Variants in TMEM245 observed in about 807,000 individuals in gnomAD.
The protein encoded by TMEM245 is transmembrane protein 245.
In TMEM245, 69 loss-of-function variants were observed where a neutral mutation model predicts 101.2. The ratio of observed to expected loss-of-function variants is 0.68; its 90% CI spans 0.56 to 0.83. TMEM245 has a LOEUF of 0.83. Among genes scored for constraint, TMEM245 ranks in the 40% least tolerant of loss-of-function variants. The pLI, the probability that TMEM245 is intolerant of heterozygous loss-of-function variation, is 0.00. For missense variants in TMEM245, 1,075 were observed against 1,092.8 expected (o/e 0.98, Z 0.23); for synonymous variants, 537 against 449.8 (o/e 1.19, Z -2.45).
In TMEM245 at chr9:109,102,630, A is replaced by C. The variant is rs944168963; in HGVS notation, c.799+3878T>G. 2.0e-5 allele frequency among the ~76,000 whole-genome samples: 3 copies of C among 152,264 alleles called. No individual in the cohort carries two copies. The East Asian group carries it at 5.8e-4, about 29-fold the overall frequency. The stretch of plus-strand genomic sequence containing the variant: ...TGATCTAGTTTTTTTGTGTTTTTAA[A>C]AGCCTAAAGGCAAAACAACTATTAG... On this transcript the variant is annotated intron_variant, in intron 3 of 17. Transcript: ENST00000374586.
In TMEM245 at chr9:109,093,577, C is replaced by G. The variant is rs1564203058; in HGVS notation, c.814G>C (p.Gly272Arg). The G allele has an allele frequency of 1.2e-6, 2 of 1,613,912 alleles. No homozygotes were observed. Among genetic ancestry groups the G allele is most frequent in the East Asian group, 2.2e-5 (1 of 44,880 alleles). ...GKESSGAELP[G>R]QVISMAASTL... The stretch of plus-strand genomic sequence containing the variant: ...GAAGCTGCCATGGAGATAACCTGCC[C>G]TGGTAACTCTGCCCCTGTAAAAGAA... The change falls in exon 4 of 18, where the codon GGG becomes CGG. Residue 272 changes from glycine (G) to arginine (R), a missense_variant. By Grantham distance (125) the Gly-to-Arg change is moderately radical (BLOSUM62 -2). Transcript: ENST00000374586.
rs1482544786 is a variant in TMEM245, at chr9:109,019,482, CTG to C, written c.*976_*977del. 6.6e-6 allele frequency: 1 copy of C among 152,210 alleles called. No individual in the cohort carries two copies. Among genetic ancestry groups the C allele is most frequent in the Admixed American group, 6.5e-5 (1 of 15,290 alleles). The allele number at this position is 152,210 out of a possible 1,614,324, so 9.4% of individuals were successfully genotyped here. A position where few individuals can be genotyped will look rare whatever the true frequency, so the allele number is the denominator to read the frequency against. ...AGCACTATGCTGGTTATTGTGATAT[CTG>C]AGATATTTTTAAAGTTGCAATTCAA... is the stretch of plus-strand genomic sequence containing the variant. On this transcript the variant is annotated 3_prime_UTR_variant, in exon 18 of 18. Coordinates refer to ENST00000374586, the MANE Select transcript of TMEM245 (RefSeq NM_032012.4).
At chr9:109,028,023 ATACCT>A (rs1827838947) in intron 17 of TMEM245, among the ~76,000 whole-genome samples, 1 of 152,112 alleles carries the variant, frequency 6.6e-6, no homozygotes, top group Non-Finnish European at 1.5e-5. Flanking sequence ...AACACCTTCA[ATACCT>A]GATATTGTGG....
chr9:109,103,155 G>A (rs1830322843), intron 3 of TMEM245, among the ~76,000 whole-genome samples: 1 of 152,132 alleles, frequency 6.6e-6, no homozygotes, highest in Non-Finnish European at 1.5e-5. Context: ...AAATTAGAAA[G>A]GAAGAAGTCA....
intron 12 of TMEM245, among the ~76,000 whole-genome samples, chr9:109,054,754 A>G (rs937246342): frequency 6.6e-6 from 1 of 152,248 alleles, no homozygotes; most frequent in Admixed American, 6.5e-5. Flanking sequence ...GGAGCCAAGG[A>G]AAGATGAACT....
chr9:109,101,688 T>C (rs1416706031), intron 3 of TMEM245, among the ~76,000 whole-genome samples: 1 of 152,226 alleles, frequency 6.6e-6, no homozygotes, highest in Non-Finnish European at 1.5e-5. Flanking sequence ...TCCAAATCTG[T>C]ACTCAACATT....
intron 17 of TMEM245, among the ~76,000 whole-genome samples, chr9:109,023,836 C>CA (rs139227712): frequency 0.036 from 2,940 of 82,598 alleles, 42 homozygotes; most frequent in Non-Finnish European, 0.051. Context: ...ACTCTGTTTC[C>CA]AAAAAAAAAA....
intron 15 of TMEM245, among the ~76,000 whole-genome samples, chr9:109,037,215 T>C (rs999761399): frequency 1.3e-5 from 2 of 152,228 alleles, no homozygotes; most frequent in Non-Finnish European, 2.9e-5. Flanking sequence ...AGGCAGCTTA[T>C]GTGCCCTCAG....
intron 6 of TMEM245, 107 bp downstream of exon 6, chr9:109,087,066 T>A (rs117561690): frequency 0.014 from 12,665 of 937,424 alleles, 105 homozygotes; most frequent in Non-Finnish European, 0.015. Flanking sequence ...AATTAGATAT[T>A]ACATGTGTTA....
At chr9:109,053,567 A>C (rs1318063136) in intron 12 of TMEM245, among the ~76,000 whole-genome samples, 1 of 152,220 alleles carries the variant, frequency 6.6e-6, no homozygotes, top group African/African-American at 2.4e-5. Flanking sequence ...AGCCCAAGAG[A>C]CTTACTGAAC....
At position 109,050,272 on chromosome 9, in the gene TMEM245, C is replaced by A; in HGVS notation, c.2123+11G>T. The stretch of plus-strand genomic sequence containing the variant: ...TGGGAGAAATAAGAATAGCATAAAC[C>A]TTATCCCTACCTGATAGCTTCTTCC... On this transcript the variant is annotated intron_variant, in intron 14 of 17. Transcript: ENST00000374586. The A allele has an allele frequency of 6.2e-7, 1 of 1,613,698 alleles. No individual in the cohort carries two copies. The highest frequency in any genetic ancestry group is 8.5e-7 in the Non-Finnish European group (1 of 1,179,904).
chr9:109,053,234 T>A, intron 12 of TMEM245, among the ~76,000 whole-genome samples: 1 of 152,184 alleles, frequency 6.6e-6, no homozygotes, highest in Non-Finnish European at 1.5e-5. Context: ...GAGACCAGCC[T>A]GGCCAACATG....
chr9:109,046,252 G>A (rs1387575706), intron 14 of TMEM245: 2 of 534,520 alleles, frequency 3.7e-6, no homozygotes, highest in East Asian at 1.1e-4. Flanking sequence ...ACACTAAATT[G>A]CATTGAGGCC....
intron 8 of TMEM245, among the ~76,000 whole-genome samples, 172 bp downstream of exon 8, chr9:109,080,667 T>C (rs1042332720): frequency 6.6e-6 from 1 of 152,094 alleles, no homozygotes. Flanking sequence ...GAAAATATAC[T>C]AGGCAAATTC....
chr9:109,038,187 G>T lies in TMEM245; in HGVS notation c.2124-70C>A. 2.5e-6 allele frequency: 3 copies of T among 1,194,168 alleles called. No homozygotes were observed. In the South Asian group the frequency reaches 4.5e-5, roughly 18 times the overall value. 74.0% of individuals were successfully genotyped at this position (1,194,168 alleles called of 1,614,324 possible). A position where few individuals can be genotyped will look rare whatever the true frequency, so the allele number is the denominator to read the frequency against. ...ATATCGTGATTCAGAAAAATCACGT[G>T]ACCACTTGATTCCAAATCATGTAAT... On this transcript the variant is annotated intron_variant, in intron 14 of 17. Transcript: ENST00000374586.
chr9:109,111,291 A>G (rs1212450947), intron 1 of TMEM245, among the ~76,000 whole-genome samples: 1 of 152,196 alleles, frequency 6.6e-6, no homozygotes. Flanking sequence ...AATCATTACT[A>G]AAAGTGTTTG....
chr9:109,098,549 G>C (rs1027319142), intron 3 of TMEM245, among the ~76,000 whole-genome samples: 55 of 151,052 alleles, frequency 3.6e-4, no homozygotes, highest in Middle Eastern at 3.4e-3. Context: ...CCTGGAATCA[G>C]AGTCCAAAAA....
chr9:109,035,445 T>C (rs1234740504), intron 16 of TMEM245, among the ~76,000 whole-genome samples: 1 of 152,188 alleles, frequency 6.6e-6, no homozygotes, highest in East Asian at 1.9e-4. Context: ...TATTGTATTA[T>C]ATGGCTAAAG....
rs564474466 is a variant in TMEM245 at position 109,057,480 on chromosome 9, C to T, written c.1723-158G>A. On this transcript the variant is annotated intron_variant, in intron 11 of 17. Coordinates refer to ENST00000374586, the MANE Select transcript of TMEM245 (RefSeq NM_032012.4). ...TTAAGAAATCAGCTAAGGCCGGGTG[C>T]GGTGGCTCATGTCTGTAATCCCAGC... Among the ~76,000 whole-genome samples, 10 of 152,232 alleles carry T rather than the reference C, an allele frequency of 6.6e-5. No homozygotes were observed. The South Asian group carries it at 1.7e-3, about 25-fold the overall frequency.
Sources: gnomAD v4.1 joint callset for allele counts (sites outside exome capture counted in the v4.1 genomes callset) on GRCh38, gnomAD v4.1.1 for gene constraint, MANE v1.5 for transcripts, NCBI Gene and HGNC (gene_info 2026-07-23, HGNC 2026-07-21) for gene names.